LRFN2: variants seen among roughly 807,000 people sequenced by gnomAD.
The protein encoded by LRFN2 is leucine rich repeat and fibronectin type III domain containing 2, also known as leucine-rich repeat and fibronectin type-III domain-containing protein 2.
LRFN2 carries 18 observed loss-of-function variants against 37.3 expected under a neutral mutation model. The observed-to-expected ratio is 0.48, with a 90% CI of 0.33 to 0.72. LRFN2 has a LOEUF of 0.72. Ranked by LOEUF, LRFN2 falls within the 30% of genes least tolerant of loss-of-function variation. The pLI is 0.02. For synonymous variants in LRFN2, 556 were observed against 466.6 expected, an observed-to-expected ratio of 1.19 and a Z score of -2.47; for missense variants, 1,006 against 1,060.7, an observed-to-expected ratio of 0.95 and a Z score of 0.72.
At chr6:40,503,937 T>A (rs1581757017) in intron 1 of LRFN2, among the ~76,000 whole-genome samples, 1 of 149,328 alleles carries the variant, frequency 6.7e-6, no homozygotes, top group Non-Finnish European at 1.5e-5. Flanking sequence ...TCAGAAAGGC[T>A]GGAGGAGTTA....
chr6:40,409,303 T>G (rs1371821198), intron 2 of LRFN2, among the ~76,000 whole-genome samples: 1 of 152,184 alleles, frequency 6.6e-6, no homozygotes, highest in Non-Finnish European at 1.5e-5. Context: ...TGTGCTCTAG[T>G]GAAGAAGGTT....
At chr6:40,480,529 C>G (rs111711539) in intron 1 of LRFN2, among the ~76,000 whole-genome samples, 1 of 152,020 alleles carries the variant, frequency 6.6e-6, no homozygotes, top group African/African-American at 2.4e-5. Context: ...CCTCCTGCTT[C>G]GGCCTCCCAA....
At chr6:40,434,765 A>G (rs947401066) in intron 1 of LRFN2, among the ~76,000 whole-genome samples, 2 of 151,678 alleles carry the variant, frequency 1.3e-5, no homozygotes, top group African/African-American at 4.8e-5. Context: ...AGCGTGAGCC[A>G]CCGTGCCCAG....
intron 1 of LRFN2, among the ~76,000 whole-genome samples, chr6:40,518,180 C>T (rs1002902143): frequency 6.6e-6 from 1 of 152,168 alleles, no homozygotes; most frequent in Non-Finnish European, 1.5e-5. Context: ...CAATAAGAAC[C>T]ATTGTGGACA....
At chr6:40,480,470 G>A (rs1394594552) in intron 1 of LRFN2, among the ~76,000 whole-genome samples, 1 of 151,998 alleles carries the variant, frequency 6.6e-6, no homozygotes, top group Non-Finnish European at 1.5e-5. Context: ...AGAGATGGGG[G>A]TCTTACTATG....
chr6:40,410,949 T>C (rs368177224), intron 2 of LRFN2, among the ~76,000 whole-genome samples: 92 of 152,350 alleles, frequency 6.0e-4, no homozygotes, highest in African/African-American at 2.1e-3. Flanking sequence ...CTGCCCCAAG[T>C]CTGGGAGCAG....
intron 2 of LRFN2, among the ~76,000 whole-genome samples, chr6:40,430,868 C>A (rs578241052): frequency 6.6e-6 from 1 of 152,284 alleles, no homozygotes; most frequent in African/African-American, 2.4e-5. Context: ...AAGGGAAGCT[C>A]TTCTCCCTCT....
intron 1 of LRFN2, among the ~76,000 whole-genome samples, chr6:40,533,934 A>T (rs752275963): frequency 4.6e-5 from 7 of 152,190 alleles, no homozygotes; most frequent in Non-Finnish European, 1.0e-4. Flanking sequence ...TGCCAAATTC[A>T]CCGGACACTC....
At chr6:40,490,572 C>T (rs1765067084) in intron 1 of LRFN2, among the ~76,000 whole-genome samples, 1 of 152,232 alleles carries the variant, frequency 6.6e-6, no homozygotes. Flanking sequence ...CCTCTTCAGC[C>T]CTGCCGACAC....
intron 1 of LRFN2, among the ~76,000 whole-genome samples, chr6:40,536,458 C>A (rs1766450207): frequency 6.6e-6 from 1 of 152,198 alleles, no homozygotes. Context: ...TGTGACTTAA[C>A]AGAATGACAG....
At chr6:40,415,210 T>TTTTTG (rs5875718) in intron 2 of LRFN2, among the ~76,000 whole-genome samples, 58,403 of 149,902 alleles carry the variant, frequency 0.39, 11,618 homozygotes, top group Admixed American at 0.45. Context: ...CTTTTACTTG[T>TTTTTG]TTTTGTTTTG....
intron 1 of LRFN2, among the ~76,000 whole-genome samples, chr6:40,543,343 A>G (rs1360596338): frequency 6.6e-6 from 1 of 152,234 alleles, no homozygotes; most frequent in East Asian, 1.9e-4. Context: ...ACCGTCATGT[A>G]TGTGCCTGTC....
Position 40,577,887 on chromosome 6 carries a change from G to T in LRFN2, c.-19+9054C>A, listed in dbSNP as rs1447168372. On this transcript the variant is annotated intron_variant, in intron 1 of 2. Transcript: ENST00000338305. ...TTCCCACCACTAGGAGCAGCCTTGG[G>T]ACAAAGGTGTTGGGGTGGGTAGGAA... Among the ~76,000 whole-genome samples the T allele has an allele frequency of 2.0e-5, 3 of 151,808 alleles. No homozygotes were observed. In the East Asian group the frequency reaches 5.8e-4, roughly 29 times the overall value.
At chr6:40,570,495 C>G (rs1767167493) in intron 1 of LRFN2, among the ~76,000 whole-genome samples, 1 of 152,194 alleles carries the variant, frequency 6.6e-6, no homozygotes, top group African/African-American at 2.4e-5. Context: ...CACAGGCAGT[C>G]TAAGCACCAG....
chr6:40,477,953 A>T (rs1263960438), intron 1 of LRFN2, among the ~76,000 whole-genome samples: 1 of 152,238 alleles, frequency 6.6e-6, no homozygotes, highest in Non-Finnish European at 1.5e-5. Context: ...ACACAGACGC[A>T]GCAAACCGTG....
intron 1 of LRFN2, among the ~76,000 whole-genome samples, chr6:40,489,236 A>G (rs944363271): frequency 2.0e-5 from 3 of 152,174 alleles, no homozygotes; most frequent in African/African-American, 7.2e-5. Flanking sequence ...CCACCAGAAA[A>G]CAAAAACACG....
chr6:40,402,340 G>A (rs1213622016), intron 2 of LRFN2, among the ~76,000 whole-genome samples: 1 of 152,188 alleles, frequency 6.6e-6, no homozygotes, highest in East Asian at 1.9e-4. Context: ...AGGTCTGCCA[G>A]GCCACGGAGC....
chr6:40,550,244 G>A (rs1766745739), intron 1 of LRFN2, among the ~76,000 whole-genome samples: 1 of 152,116 alleles, frequency 6.6e-6, no homozygotes, highest in South Asian at 2.1e-4. Context: ...GGTATGAGCA[G>A]AGCAAGCAGC....
At chr6:40,514,578 G>C (rs1765806356) in intron 1 of LRFN2, among the ~76,000 whole-genome samples, 1 of 152,092 alleles carries the variant, frequency 6.6e-6, no homozygotes, top group Admixed American at 6.5e-5. Context: ...GCCTCCCAAA[G>C]TGCTGAGATT....
Sources: allele counts gnomAD v4.1 joint callset (sites outside exome capture counted in the v4.1 genomes callset), GRCh38; gene constraint gnomAD v4.1.1; transcripts MANE v1.5; gene names NCBI Gene and HGNC (gene_info 2026-07-23, HGNC 2026-07-21).